Variants in WHRN observed in about 807,000 individuals in gnomAD.
The protein encoded by WHRN is CASK-interacting protein CIP98.
Under a neutral mutation model 68.3 loss-of-function variants are expected in WHRN, and 41 were observed. The ratio of observed to expected loss-of-function variants is 0.60; its 90% CI spans 0.47 to 0.78. WHRN has a LOEUF of 0.78. Ranked by LOEUF, WHRN falls within the 30% of genes least tolerant of loss-of-function variation. The probability of loss-of-function intolerance (pLI) is 0.00; values close to 1 mark genes in which losing one functional copy is unlikely to be tolerated. For synonymous variants in WHRN, 560 were observed against 561.3 expected (o/e 1.00, Z 0.03); for missense variants, 1,243 against 1,244.7 (o/e 1.00, Z 0.02).
chr9:114,420,833 C>T (rs1836221305), intron 7 of WHRN, among the ~76,000 whole-genome samples: 2 of 152,118 alleles, frequency 1.3e-5, no homozygotes, highest in Admixed American at 1.3e-4. Flanking sequence ...CCTGGGCCCA[C>T]AGGCATCCTC....
intron 7 of WHRN, among the ~76,000 whole-genome samples, chr9:114,408,838 C>A (rs558228450): frequency 6.6e-6 from 1 of 152,302 alleles, no homozygotes; most frequent in Non-Finnish European, 1.5e-5. Context: ...GTGGACTGGG[C>A]AAAACTCACC....
intron 6 of WHRN, 141 bp from the exon 7 acceptor site, chr9:114,423,664 G>C: frequency 1.3e-6 from 1 of 788,602 alleles, no homozygotes; most frequent in South Asian, 1.8e-5. Flanking sequence ...GTGCTCTCAA[G>C]AGAAAGGCCA....
intron 2 of WHRN, among the ~76,000 whole-genome samples, chr9:114,469,105 T>C (rs1233196484): frequency 2.0e-5 from 3 of 152,142 alleles, no homozygotes; most frequent in East Asian, 1.9e-4. Flanking sequence ...GGTCCATTTG[T>C]GTAGAGTGCG....
intron 3 of WHRN, among the ~76,000 whole-genome samples, chr9:114,440,682 T>G (rs1437149353): frequency 6.6e-6 from 1 of 152,200 alleles, no homozygotes; most frequent in Non-Finnish European, 1.5e-5. Flanking sequence ...GAAGTACACA[T>G]GGTAGTACTG....
intron 3 of WHRN, among the ~76,000 whole-genome samples, chr9:114,462,690 G>A (rs1228934330): frequency 2.0e-5 from 3 of 152,220 alleles, no homozygotes; most frequent in African/African-American, 4.8e-5. Flanking sequence ...GAGTTTGCTG[G>A]AGTGAGTTAA....
chr9:114,430,517 A>C (rs1589123247), intron 3 of WHRN, among the ~76,000 whole-genome samples: 1 of 152,072 alleles, frequency 6.6e-6, no homozygotes, highest in Non-Finnish European at 1.5e-5. Context: ...TGTGGCTTCC[A>C]AACCTAGGTC....
chr9:114,427,190 C>A (rs10982214), intron 3 of WHRN, among the ~76,000 whole-genome samples: 3 of 152,122 alleles, frequency 2.0e-5, no homozygotes, highest in Admixed American at 6.5e-5. Context: ...CCCAAGAGTT[C>A]GAGGCTGCTG....
rs780408645 is a variant in WHRN, at chr9:114,408,036, A to G, written c.1627-18T>C. 1.9e-6 allele frequency: 3 copies of G among 1,577,248 alleles called. No homozygotes were observed. Among genetic ancestry groups the G allele is most frequent in the Non-Finnish European group, 2.6e-6 (3 of 1,157,608 alleles). On this transcript the variant is annotated intron_variant, in intron 7 of 11. Transcript: ENST00000362057. ...AGAGTGTTCTAGAAATGGACGAGAA[A>G]GCAAAGTGAGCAAACAGAAGCTGAG... is the stretch of plus-strand genomic sequence containing the variant.
intron 2 of WHRN, among the ~76,000 whole-genome samples, chr9:114,467,734 G>C (rs1192074682): frequency 2.6e-5 from 4 of 152,146 alleles, no homozygotes; most frequent in Non-Finnish European, 5.9e-5. Context: ...GGTTAAGTGT[G>C]TCTCCGGTAT....
intron 1 of WHRN, among the ~76,000 whole-genome samples, chr9:114,490,188 G>A (rs1003406105): frequency 3.0e-4 from 46 of 152,318 alleles, no homozygotes; most frequent in Middle Eastern, 3.4e-3. Flanking sequence ...CAGAGCATTG[G>A]TGTGAACTCA....
chr9:114,494,616 A>G (rs12551529), intron 1 of WHRN, among the ~76,000 whole-genome samples: 66,944 of 151,956 alleles, frequency 0.44, 15,032 homozygotes, highest in Non-Finnish European at 0.47. Flanking sequence ...TGTTGGGGCA[A>G]AGACGCAACC....
intron 7 of WHRN, among the ~76,000 whole-genome samples, chr9:114,413,215 A>G (rs964129387): frequency 1.6e-4 from 24 of 152,188 alleles, no homozygotes; most frequent in Admixed American, 9.8e-4. Context: ...GGAGAAAGAG[A>G]TTAGAGGGAG....
chr9:114,456,317 C>G (rs1158963719), intron 3 of WHRN, among the ~76,000 whole-genome samples: 1 of 152,000 alleles, frequency 6.6e-6, no homozygotes, highest in Admixed American at 6.6e-5. Context: ...ACGTGTCGGG[C>G]ACAGGGAGGA....
chr9:114,476,046 C>T (rs1053106541), intron 2 of WHRN, among the ~76,000 whole-genome samples: 3 of 152,124 alleles, frequency 2.0e-5, no homozygotes, highest in Admixed American at 6.5e-5. Context: ...CTCACTGAAG[C>T]CTGAATCTCC....
At chr9:114,486,927 AGTGTGT>A (rs367639339) in intron 1 of WHRN, among the ~76,000 whole-genome samples, 3 of 114,998 alleles carry the variant, frequency 2.6e-5, no homozygotes, top group South Asian at 5.8e-4. Flanking sequence ...GTGTGTGTAG[AGTGTGT>A]GTGTGTGTTG....
At chr9:114,480,000 T>G (rs577974980) in intron 1 of WHRN, among the ~76,000 whole-genome samples, 1 of 151,908 alleles carries the variant, frequency 6.6e-6, no homozygotes, top group East Asian at 1.9e-4. Context: ...GAGGTGGAGG[T>G]TGCAGTGAGC....
chr9:114,405,483 G>A (rs1259062153), intron 9 of WHRN, among the ~76,000 whole-genome samples: 1 of 152,138 alleles, frequency 6.6e-6, no homozygotes, highest in African/African-American at 2.4e-5. Flanking sequence ...AATACTATAG[G>A]CAAGGCCCTT....
intron 3 of WHRN, among the ~76,000 whole-genome samples, chr9:114,436,123 C>T (rs1344369334): frequency 6.6e-6 from 1 of 152,176 alleles, no homozygotes; most frequent in African/African-American, 2.4e-5. Context: ...GGAAGCCAGT[C>T]TGAAAAGGCT....
rs142443521 is a variant in WHRN at position 114,447,007 on chromosome 9, T to C, written c.963+19260A>G. 3.3e-5 allele frequency among the ~76,000 whole-genome samples: 5 copies of C among 151,842 alleles called. No homozygotes were observed. In the East Asian group the frequency reaches 9.7e-4, roughly 30 times the overall value. On this transcript the variant is annotated intron_variant, in intron 3 of 11. Transcript: ENST00000362057. Reference sequence around the variant, plus strand: ...TGTCTGTGCTCCTCCCAATTCTTCCTGGAAGAGCTCTTCCTTCACTTCTCT... The same window carrying C: ...TGTCTGTGCTCCTCCCAATTCTTCCCGGAAGAGCTCTTCCTTCACTTCTCT...
Sources: gnomAD v4.1 joint callset for allele counts (sites outside exome capture counted in the v4.1 genomes callset) on GRCh38, gnomAD v4.1.1 for gene constraint, MANE v1.5 for transcripts, NCBI Gene and HGNC (gene_info 2026-07-23, HGNC 2026-07-21) for gene names.